SHISA9: variants seen among roughly 807,000 people sequenced by gnomAD.
SHISA9 encodes the protein protein shisa-9.
Under a neutral mutation model 38.0 loss-of-function variants are expected in SHISA9, and 13 were observed. That is an observed-to-expected ratio of 0.34 (90% confidence interval 0.22 to 0.54). SHISA9 has a LOEUF of 0.54. SHISA9 is among the 20% of genes least tolerant of loss of function. The pLI is 0.91. For missense variants in SHISA9, 538 were observed against 575.8 expected (o/e 0.93, Z 0.67); for synonymous variants, 275 against 242.0 (o/e 1.14, Z -1.27).
chr16:13,362,912 A>G, the SHISA9 span, among the ~76,000 whole-genome samples: 1 of 152,174 alleles, frequency 6.6e-6, no homozygotes, highest in Non-Finnish European at 1.5e-5. Context: ...CCTCTCAACA[A>G]AAACAGTTCC....
chr16:12,927,694 C>A (rs2071409476), intron 2 of SHISA9, among the ~76,000 whole-genome samples: 1 of 151,656 alleles, frequency 6.6e-6, no homozygotes, highest in South Asian at 2.1e-4. Context: ...CAGGTGTGAA[C>A]CACCATGACT....
At chr16:13,277,430 T>C in the SHISA9 span, among the ~76,000 whole-genome samples, 2 of 150,320 alleles carry the variant, frequency 1.3e-5, no homozygotes, top group Non-Finnish European at 2.9e-5. Flanking sequence ...ATTTTAGAAT[T>C]GTTTTTTTTT....
chr16:13,191,806 T>C (rs1241943418), intron 2 of SHISA9, among the ~76,000 whole-genome samples: 1 of 152,204 alleles, frequency 6.6e-6, no homozygotes, highest in Non-Finnish European at 1.5e-5. Context: ...GCAGGACCAG[T>C]GTGGCCTCAT....
chr16:13,225,539 C>G (rs1421937912), intron 4 of SHISA9, among the ~76,000 whole-genome samples: 1 of 152,126 alleles, frequency 6.6e-6, no homozygotes, highest in Non-Finnish European at 1.5e-5. Flanking sequence ...AAGGCAGAAA[C>G]CGATGAGGAA....
At chr16:13,431,510 C>G in the SHISA9 span, among the ~76,000 whole-genome samples, 1 of 152,218 alleles carries the variant, frequency 6.6e-6, no homozygotes, top group Admixed American at 6.5e-5. Flanking sequence ...ATCAAAACAA[C>G]AGCTTGAAGC....
chr16:13,560,428 T>A, the SHISA9 span, among the ~76,000 whole-genome samples: 2 of 152,110 alleles, frequency 1.3e-5, no homozygotes, highest in Non-Finnish European at 2.9e-5. Flanking sequence ...CCTGAAGAAT[T>A]TTCTATCGAA....
At chr16:12,962,560 GA>G (rs1182899045) in intron 2 of SHISA9, among the ~76,000 whole-genome samples, 1 of 152,228 alleles carries the variant, frequency 6.6e-6, no homozygotes, top group African/African-American at 2.4e-5. Context: ...AGAAGAAAGA[GA>G]AAGAGCAGAG....
chr16:13,534,411 G>A, the SHISA9 span, among the ~76,000 whole-genome samples: 1 of 152,044 alleles, frequency 6.6e-6, no homozygotes, highest in South Asian at 2.1e-4. Context: ...TTTTAGTAGA[G>A]ATGGAGTTTC....
the SHISA9 span, among the ~76,000 whole-genome samples, chr16:13,286,428 A>G: frequency 6.6e-6 from 1 of 152,164 alleles, no homozygotes; most frequent in Non-Finnish European, 1.5e-5. Context: ...GCTGCCAAAG[A>G]TTTTCTTTGT....
the SHISA9 span, among the ~76,000 whole-genome samples, chr16:13,432,865 G>A: frequency 6.6e-6 from 1 of 152,230 alleles, no homozygotes; most frequent in South Asian, 2.1e-4. Flanking sequence ...GCTAAATGAT[G>A]AGAACACATG....
the SHISA9 span, among the ~76,000 whole-genome samples, chr16:13,437,025 A>C: frequency 6.6e-6 from 1 of 152,154 alleles, no homozygotes; most frequent in East Asian, 1.9e-4. Context: ...ACTCATTTTC[A>C]TGAGAAAAGC....
the SHISA9 span, among the ~76,000 whole-genome samples, chr16:13,403,111 C>CAA: frequency 2.2e-3 from 326 of 145,068 alleles, no homozygotes; most frequent in East Asian, 0.015. Context: ...CTCAAAAACA[C>CAA]AAAAAAAAAA....
the SHISA9 span, among the ~76,000 whole-genome samples, chr16:13,482,520 C>G: frequency 1.3e-5 from 2 of 152,170 alleles, no homozygotes; most frequent in African/African-American, 4.8e-5. Flanking sequence ...CACTTCGAGG[C>G]CAGGTGTGGT....
chr16:13,480,399 T>C, the SHISA9 span, among the ~76,000 whole-genome samples: 1 of 152,172 alleles, frequency 6.6e-6, no homozygotes, highest in Non-Finnish European at 1.5e-5. Context: ...TTGGCCTCTC[T>C]TGAATACAGG....
chr16:13,004,503 A>T (rs568661645), intron 2 of SHISA9, among the ~76,000 whole-genome samples: 52 of 152,300 alleles, frequency 3.4e-4, no homozygotes, highest in South Asian at 2.5e-3. Context: ...AGCAGAGGGA[A>T]TGATTTGATC....
intron 2 of SHISA9, among the ~76,000 whole-genome samples, chr16:13,173,150 T>TGCGC (rs113180653): frequency 0.38 from 53,488 of 141,394 alleles, 10,098 homozygotes; most frequent in East Asian, 0.65. Context: ...GAGATGCACG[T>TGCGC]GCGCACACAC....
intron 2 of SHISA9, among the ~76,000 whole-genome samples, chr16:13,099,150 G>A (rs111979932): frequency 0.02 from 3,033 of 152,288 alleles, 97 homozygotes; most frequent in African/African-American, 0.069. Flanking sequence ...TTCACTGACC[G>A]ATCATCTATG....
the SHISA9 span, among the ~76,000 whole-genome samples, chr16:13,501,566 T>C: frequency 6.6e-6 from 1 of 152,220 alleles, no homozygotes; most frequent in African/African-American, 2.4e-5. Flanking sequence ...TGTAATTACA[T>C]ACTTTTAACA....
chr16:13,074,635 T>G (rs1244204195), intron 2 of SHISA9, among the ~76,000 whole-genome samples: 2 of 152,096 alleles, frequency 1.3e-5, no homozygotes, highest in African/African-American at 4.8e-5. Context: ...TCATTACTAT[T>G]ATTTTTTTCT....
Sources: allele counts gnomAD v4.1 joint callset (sites outside exome capture counted in the v4.1 genomes callset), GRCh38; gene constraint gnomAD v4.1.1; transcripts MANE v1.5; gene names NCBI Gene and HGNC (gene_info 2026-07-23, HGNC 2026-07-21).